The following TMEM132D variants were observed in gnomAD, a reference collection of about 807,000 sequenced individuals.
TMEM132D encodes the protein mature OL transmembrane protein.
TMEM132D carries 21 observed loss-of-function variants against 62.3 expected under a neutral mutation model. The observed-to-expected ratio is 0.34, with a 90% CI of 0.24 to 0.49. The LOEUF (loss-of-function observed/expected upper bound fraction) is 0.49, where lower values mean the gene tolerates loss of function less well. Ranked by LOEUF, TMEM132D falls within the 20% of genes least tolerant of loss-of-function variation. TMEM132D has a pLI of 0.99. For missense variants in TMEM132D, 1,346 were observed against 1,402.8 expected (o/e 0.96, Z 0.65); for synonymous variants, 621 against 575.6 (o/e 1.08, Z -1.13).
At chr12:129,468,648 G>T (rs1455324014) in intron 3 of TMEM132D, among the ~76,000 whole-genome samples, 1 of 152,038 alleles carries the variant, frequency 6.6e-6, no homozygotes, top group Non-Finnish European at 1.5e-5. Flanking sequence ...TCCATAAATA[G>T]TTCCCCAGTT....
At chr12:129,820,937 A>G (rs960619498) in intron 1 of TMEM132D, among the ~76,000 whole-genome samples, 5 of 152,184 alleles carry the variant, frequency 3.3e-5, no homozygotes, top group African/African-American at 9.7e-5. Context: ...GAAAGGCTCA[A>G]ACCAAGTGCT....
At chr12:129,679,174 A>C (rs1339854820) in intron 2 of TMEM132D, among the ~76,000 whole-genome samples, 1 of 151,948 alleles carries the variant, frequency 6.6e-6, no homozygotes, top group East Asian at 1.9e-4. Context: ...GGCTCTATGG[A>C]TTAATTGGAG....
chr12:129,360,941 C>T (rs1870229142), intron 3 of TMEM132D, among the ~76,000 whole-genome samples: 1 of 152,142 alleles, frequency 6.6e-6, no homozygotes, highest in South Asian at 2.1e-4. Flanking sequence ...AAAGGTGTGG[C>T]CAAGCAAGCA....
chr12:129,582,134 A>G (rs1031600342), intron 2 of TMEM132D, among the ~76,000 whole-genome samples: 1 of 152,234 alleles, frequency 6.6e-6, no homozygotes, highest in Admixed American at 6.5e-5. Flanking sequence ...ACATTGTGTC[A>G]GAACAATGAC....
intron 3 of TMEM132D, among the ~76,000 whole-genome samples, chr12:129,376,057 T>C (rs970055601): frequency 1.3e-5 from 2 of 152,190 alleles, no homozygotes; most frequent in African/African-American, 4.8e-5. Flanking sequence ...AGGGTGAGAA[T>C]GTGATGTTAA....
intron 4 of TMEM132D, among the ~76,000 whole-genome samples, chr12:129,296,019 C>A (rs1881564011): frequency 6.6e-6 from 1 of 152,172 alleles, no homozygotes; most frequent in East Asian, 1.9e-4. Context: ...CATACACTCA[C>A]ATACATATAT....
intron 3 of TMEM132D, among the ~76,000 whole-genome samples, chr12:129,471,209 C>CTATTT (rs10644868): frequency 6.9e-6 from 1 of 145,800 alleles, no homozygotes; most frequent in Non-Finnish European, 1.5e-5. Flanking sequence ...GTAGATATTA[C>CTATTT]TTTTTTTTTT....
At chr12:129,410,154 G>A (rs1238541078) in intron 3 of TMEM132D, among the ~76,000 whole-genome samples, 2 of 152,062 alleles carry the variant, frequency 1.3e-5, no homozygotes, top group African/African-American at 2.4e-5. Flanking sequence ...GCACTTGAGA[G>A]GTGGCCAGAG....
At chr12:129,246,419 C>T (rs1377394590) in intron 4 of TMEM132D, among the ~76,000 whole-genome samples, 4 of 152,132 alleles carry the variant, frequency 2.6e-5, no homozygotes, top group South Asian at 4.2e-4. Context: ...CTGAACCTGA[C>T]GGGAAGGAAT....
chr12:129,238,992 T>C (rs1051760709), intron 4 of TMEM132D, among the ~76,000 whole-genome samples: 1 of 134,484 alleles, frequency 7.4e-6, no homozygotes, highest in Non-Finnish European at 1.6e-5. Context: ...ATTTGTTATT[T>C]TCTGTTTTTT....
At chr12:129,454,737 C>A (rs932446012) in intron 3 of TMEM132D, among the ~76,000 whole-genome samples, 1 of 152,172 alleles carries the variant, frequency 6.6e-6, no homozygotes, top group African/African-American at 2.4e-5. Context: ...ACTGATTCCA[C>A]CATAAGAGGA....
At chr12:129,511,820 C>T (rs1045068016) in intron 3 of TMEM132D, among the ~76,000 whole-genome samples, 4 of 152,124 alleles carry the variant, frequency 2.6e-5, no homozygotes, top group African/African-American at 7.2e-5. Flanking sequence ...CTTTTATCAC[C>T]TCATTTTATC....
intron 3 of TMEM132D, among the ~76,000 whole-genome samples, chr12:129,363,882 C>CTAAA (rs2135675996): frequency 6.6e-6 from 1 of 152,240 alleles, no homozygotes; most frequent in African/African-American, 2.4e-5. Context: ...GAGGGATTTA[C>CTAAA]TAAAATCTCA....
At chr12:129,764,714 G>C (rs1431449948) in intron 1 of TMEM132D, among the ~76,000 whole-genome samples, 1 of 152,164 alleles carries the variant, frequency 6.6e-6, no homozygotes, top group Admixed American at 6.5e-5. Context: ...GTCGAGGTAG[G>C]AGGATTTCTT....
intron 5 of TMEM132D, among the ~76,000 whole-genome samples, chr12:129,169,442 T>C (rs1243832611): frequency 6.6e-6 from 1 of 152,230 alleles, no homozygotes; most frequent in Non-Finnish European, 1.5e-5. Flanking sequence ...GAAGCCAGCC[T>C]GGCTCCCCCT....
chr12:129,797,357 AG>A (rs2137303267), intron 1 of TMEM132D, among the ~76,000 whole-genome samples: 1 of 152,236 alleles, frequency 6.6e-6, no homozygotes, highest in East Asian at 1.9e-4. Flanking sequence ...TGAAGCATGG[AG>A]TTTTAGTTGC....
At chr12:129,869,828 A>G (rs1240173183) in intron 1 of TMEM132D, among the ~76,000 whole-genome samples, 3 of 152,204 alleles carry the variant, frequency 2.0e-5, no homozygotes, top group Non-Finnish European at 2.9e-5. Context: ...TATCATACAC[A>G]TGAATATGCA....
At chr12:129,796,437 T>C (rs1208989816) in intron 1 of TMEM132D, among the ~76,000 whole-genome samples, 1 of 152,206 alleles carries the variant, frequency 6.6e-6, no homozygotes, top group Non-Finnish European at 1.5e-5. Flanking sequence ...AATTTATGTG[T>C]GTTTAAACAT....
intron 4 of TMEM132D, among the ~76,000 whole-genome samples, chr12:129,309,139 T>C (rs745365474): frequency 6.6e-6 from 1 of 152,232 alleles, no homozygotes. Context: ...AGGTCACTTA[T>C]GTAGTTTGGT....
Sources: gnomAD v4.1 joint callset for allele counts (sites outside exome capture counted in the v4.1 genomes callset) on GRCh38, gnomAD v4.1.1 for gene constraint, MANE v1.5 for transcripts, NCBI Gene and HGNC (gene_info 2026-07-23, HGNC 2026-07-21) for gene names.